The following PGR variants were observed in gnomAD, a reference collection of about 807,000 sequenced individuals.
PGR encodes the protein progesterone receptor.
A neutral mutation model predicts 76.1 loss-of-function variants in PGR; 25 were observed. The observed-to-expected ratio is 0.33, with a 90% CI of 0.24 to 0.46. The LOEUF (loss-of-function observed/expected upper bound fraction) is 0.46. Among genes scored for constraint, PGR ranks in the 20% least tolerant of loss-of-function variants. The pLI is 1.00. For synonymous variants in PGR, 579 were observed against 535.0 expected (o/e 1.08, Z -1.14); for missense variants, 1,172 against 1,225.3 (o/e 0.96, Z 0.65).
At chr11:101,048,356 G>C (rs548616170) in intron 6 of PGR, among the ~76,000 whole-genome samples, 1 of 152,108 alleles carries the variant, frequency 6.6e-6, no homozygotes, top group Non-Finnish European at 1.5e-5. Flanking sequence ...AATTGCAGTC[G>C]TGTATCACTT....
At chr11:101,059,530 A>C (rs184509534) in intron 4 of PGR, among the ~76,000 whole-genome samples, 637 of 152,236 alleles carry the variant, frequency 4.2e-3, no homozygotes, top group Non-Finnish European at 6.8e-3. Context: ...AGCATCTTGC[A>C]AGTCTCTATT....
intron 3 of PGR, among the ~76,000 whole-genome samples, chr11:101,089,499 T>C (rs1157693980): frequency 6.6e-6 from 1 of 152,182 alleles, no homozygotes; most frequent in Non-Finnish European, 1.5e-5. Context: ...ACAGCACTTA[T>C]CATTATTTGA....
chr11:101,109,472 T>C (rs1862276486), intron 2 of PGR, among the ~76,000 whole-genome samples: 1 of 152,202 alleles, frequency 6.6e-6, no homozygotes, highest in East Asian at 1.9e-4. Context: ...AAACGCTTAA[T>C]GGTCTGGATA....
intron 2 of PGR, among the ~76,000 whole-genome samples, chr11:101,118,501 A>T (rs1256027393): frequency 5.3e-5 from 8 of 152,198 alleles, no homozygotes; most frequent in Non-Finnish European, 2.9e-5. Context: ...AGAAATAATG[A>T]TTACTAGTAA....
At position 101,039,016 on chromosome 11, in the gene PGR, G is replaced by T; in HGVS notation, c.*100C>A. 3.6e-6 allele frequency: 3 copies of T among 828,042 alleles called. No homozygotes were observed. Among genetic ancestry groups the T allele is most frequent in the Non-Finnish European group, 4.0e-6 (2 of 503,464 alleles). The allele number at this position is 828,042 out of a possible 1,614,324, so 51.3% of individuals were successfully genotyped here. The stretch of plus-strand genomic sequence containing the variant: ...CACACTATGATGTTATAAATGTAAG[G>T]CTTTCAGAAGAACATTATAAAAACT... On this transcript the variant is annotated 3_prime_UTR_variant, in exon 8 of 8. Transcript: ENST00000325455.
At chr11:101,080,381 TC>T (rs1289127700) in intron 3 of PGR, among the ~76,000 whole-genome samples, 2 of 151,404 alleles carry the variant, frequency 1.3e-5, no homozygotes, top group Non-Finnish European at 2.9e-5. Context: ...TACCCAGCAT[TC>T]TTTAGAGGCA....
chr11:101,038,269 T>G lies in PGR; in HGVS notation c.*847A>C. 5.0e-6 allele frequency: 1 copy of G among 199,186 alleles called. No homozygotes were observed. Among genetic ancestry groups the G allele is most frequent in the East Asian group, 7.8e-5 (1 of 12,832 alleles). The allele number at this position is 199,186 out of a possible 1,614,324, so 12.3% of individuals were successfully genotyped here. The stretch of plus-strand genomic sequence containing the variant: ...ATTGGCAGGAAAGATATTTTACTAC[T>G]TTCAAAGGTGAGAGAATTGAGAATC... On this transcript the variant is annotated 3_prime_UTR_variant, in exon 8 of 8. Coordinates refer to ENST00000325455, the MANE Select transcript of PGR (RefSeq NM_000926.4).
In PGR at chr11:101,038,851, T is replaced by C. The variant is rs1002881859; in HGVS notation, c.*265A>G. ...ATGGTATGAAATAATATGGATAAGA[T>C]AGTTTACTTTAACAATTTTAGTACT... On this transcript the variant is annotated 3_prime_UTR_variant, in exon 8 of 8. Transcript: ENST00000325455. The C allele has an allele frequency of 7.7e-6, 3 of 389,476 alleles. No individual in the cohort carries two copies. Among genetic ancestry groups the C allele is most frequent in the African/African-American group, 6.1e-5 (3 of 49,022 alleles). 24.1% of individuals were successfully genotyped at this position (389,476 alleles called of 1,614,324 possible). A position where few individuals can be genotyped will look rare whatever the true frequency, so the allele number is the denominator to read the frequency against.
At chr11:101,047,000 A>G (rs1565330370) in intron 6 of PGR, among the ~76,000 whole-genome samples, 1 of 152,192 alleles carries the variant, frequency 6.6e-6, no homozygotes, top group African/African-American at 2.4e-5. Flanking sequence ...TCTTCTCCCC[A>G]AATCTCATTA....
chr11:101,049,318 C>T (rs1033348288), intron 6 of PGR, among the ~76,000 whole-genome samples: 4 of 151,960 alleles, frequency 2.6e-5, no homozygotes, highest in African/African-American at 4.8e-5. Flanking sequence ...GGCTGTTTTG[C>T]GGTTAACTTA....
chr11:101,115,428 C>A (rs1043176456), intron 2 of PGR, among the ~76,000 whole-genome samples: 1 of 152,002 alleles, frequency 6.6e-6, no homozygotes, highest in African/African-American at 2.4e-5. Flanking sequence ...GCTTATTTAT[C>A]TTTTATAGCT....
intron 3 of PGR, among the ~76,000 whole-genome samples, chr11:101,085,110 C>A (rs201543671): frequency 6.6e-6 from 1 of 152,088 alleles, no homozygotes; most frequent in African/African-American, 2.4e-5. Flanking sequence ...ACAGAATAAT[C>A]CACCCATCAA....
At chr11:101,103,659 A>G (rs1041117443) in intron 2 of PGR, among the ~76,000 whole-genome samples, 2 of 152,194 alleles carry the variant, frequency 1.3e-5, no homozygotes, top group East Asian at 1.9e-4. Context: ...TTAGTACTCA[A>G]AGAGGAAATC....
intron 5 of PGR, 54 bp from the exon 6 acceptor site, chr11:101,050,113 C>G: frequency 6.3e-7 from 1 of 1,586,888 alleles, no homozygotes; most frequent in South Asian, 1.1e-5. Flanking sequence ...AAAATAGTGT[C>G]TCAGCCAGTT....
rs537090529 is a variant in PGR at position 101,127,655 on chromosome 11, C to T, written c.1416G>A (p.Gln472=). 1.5e-4 allele frequency: 221 copies of T among 1,523,432 alleles called. 5 individuals carry two copies. The Admixed American group carries it at 4.3e-3, about 30-fold the overall frequency. 94.4% of individuals were successfully genotyped at this position (1,523,432 alleles called of 1,614,324 possible). ...LYKAEGAPPQ[Q]GPFAPPPCKA... ...TGCAGGGCGGCGGCGCGAACGGGCCCTGCTGGGGCGGCGCGCCCTCCGCTT... is the reference window on the plus strand; with the variant it reads ...TGCAGGGCGGCGGCGCGAACGGGCCTTGCTGGGGCGGCGCGCCCTCCGCTT... Residue 472 remains glutamine (Q), a synonymous_variant, in exon 1 of 8, where the codon CAG becomes CAA. Coordinates refer to ENST00000325455, the MANE Select transcript of PGR (RefSeq NM_000926.4).
intron 2 of PGR, among the ~76,000 whole-genome samples, chr11:101,114,713 C>A (rs909137508): frequency 1.3e-5 from 2 of 152,096 alleles, no homozygotes; most frequent in African/African-American, 4.8e-5. Context: ...GTGTCGCTTT[C>A]ATCACCCTTC....
At chr11:101,064,738 T>A (rs1277619404) in intron 3 of PGR, among the ~76,000 whole-genome samples, 2 of 152,234 alleles carry the variant, frequency 1.3e-5, no homozygotes, top group East Asian at 3.8e-4. Flanking sequence ...CTTTTCCATC[T>A]CCCACTCTGA....
intron 2 of PGR, among the ~76,000 whole-genome samples, chr11:101,106,163 G>A (rs1862155673): frequency 6.6e-6 from 1 of 152,104 alleles, no homozygotes; most frequent in South Asian, 2.1e-4. Flanking sequence ...GGAGATAGGT[G>A]TAGGCAGAGA....
intron 2 of PGR, among the ~76,000 whole-genome samples, chr11:101,102,198 AC>A (rs1432059507): frequency 1.3e-5 from 2 of 152,232 alleles, no homozygotes; most frequent in Admixed American, 6.5e-5. Context: ...GAATAAAAAA[AC>A]ATTCTATACA....
Sources: allele counts gnomAD v4.1 joint callset (sites outside exome capture counted in the v4.1 genomes callset), GRCh38; gene constraint gnomAD v4.1.1; transcripts MANE v1.5; gene names NCBI Gene and HGNC (gene_info 2026-07-23, HGNC 2026-07-21).